Variants in PLCL1 observed in about 807,000 individuals in gnomAD.
The protein encoded by PLCL1 is phospholipase C like 1 (inactive), also known as inactive phospholipase C-like protein 1.
In PLCL1, 41 loss-of-function variants were observed where a neutral mutation model predicts 84.4. That is an observed-to-expected ratio of 0.49 (90% CI 0.38 to 0.63). PLCL1 has a LOEUF of 0.63. Ranked by LOEUF, PLCL1 falls within the 30% of genes least tolerant of loss-of-function variation. PLCL1 has a pLI of 0.00. For missense variants in PLCL1, 1,206 were observed against 1,367.8 expected (o/e 0.88, Z 1.87); for synonymous variants, 490 against 488.3 (o/e 1.00, Z -0.05).
chr2:198,125,684 A>G (rs954516799), intron 5 of PLCL1, among the ~76,000 whole-genome samples: 1 of 152,184 alleles, frequency 6.6e-6, no homozygotes, highest in East Asian at 1.9e-4. Flanking sequence ...ATTATAAAAT[A>G]TAATATGTCA....
In PLCL1 at chr2:197,813,214, G is replaced by A. The variant is rs546184649; in HGVS notation, c.240+7875G>A. 4.5e-4 allele frequency among the ~76,000 whole-genome samples: 68 copies of A among 152,298 alleles called. 2 individuals carry two copies. In the South Asian group the frequency reaches 9.9e-3, roughly 22 times the overall value. ...CCTACAGGTCAGCCCTGATTGTTGG[G>A]TTGGGGAGGAGAGAGAGAAGACCAT... On this transcript the variant is annotated intron_variant, in intron 1 of 5. Coordinates refer to ENST00000428675, the MANE Select transcript of PLCL1 (RefSeq NM_006226.4).
intron 1 of PLCL1, among the ~76,000 whole-genome samples, chr2:197,935,387 A>G (rs1437074395): frequency 6.6e-6 from 1 of 152,244 alleles, no homozygotes; most frequent in Non-Finnish European, 1.5e-5. Context: ...GACTGGATAA[A>G]GAAAATGTGG....
chr2:197,925,484 T>C (rs1018378835), intron 1 of PLCL1, among the ~76,000 whole-genome samples: 4 of 152,206 alleles, frequency 2.6e-5, no homozygotes, highest in Non-Finnish European at 5.9e-5. Context: ...GAATGAACTT[T>C]AAGCTCTTCA....
At chr2:197,892,935 G>A (rs543692531) in intron 1 of PLCL1, among the ~76,000 whole-genome samples, 1 of 152,222 alleles carries the variant, frequency 6.6e-6, no homozygotes, top group Admixed American at 6.5e-5. Flanking sequence ...GGGAAGGTTG[G>A]AGTGAGCTGA....
intron 3 of PLCL1, among the ~76,000 whole-genome samples, chr2:198,096,200 G>A (rs1693188895): frequency 1.3e-5 from 2 of 152,168 alleles, no homozygotes; most frequent in Non-Finnish European, 2.9e-5. Context: ...CACACGCAGT[G>A]TTCAGAGAGT....
chr2:198,009,412 A>AT (rs983061037), intron 1 of PLCL1, among the ~76,000 whole-genome samples: 14 of 151,790 alleles, frequency 9.2e-5, no homozygotes, highest in Non-Finnish European at 2.1e-4. Context: ...TGAATATCCT[A>AT]TTTTTCCAAC....
intron 1 of PLCL1, among the ~76,000 whole-genome samples, chr2:198,051,237 TG>T (rs914454448): frequency 6.6e-6 from 1 of 152,186 alleles, no homozygotes; most frequent in Non-Finnish European, 1.5e-5. Flanking sequence ...ATAGGTTCTA[TG>T]GGGACTTTAA....
intron 1 of PLCL1, among the ~76,000 whole-genome samples, chr2:198,041,975 A>G (rs1174622449): frequency 3.3e-5 from 5 of 152,184 alleles, no homozygotes; most frequent in South Asian, 2.1e-4. Context: ...TTTTGTGCCT[A>G]TCTGCAAGTG....
chr2:197,955,814 T>A (rs1689479025), intron 1 of PLCL1, among the ~76,000 whole-genome samples: 1 of 151,700 alleles, frequency 6.6e-6, no homozygotes, highest in East Asian at 1.9e-4. Context: ...TATTATTTTT[T>A]AATTTTACCC....
At chr2:197,828,036 AC>A (rs1690970276) in intron 1 of PLCL1, among the ~76,000 whole-genome samples, 1 of 152,150 alleles carries the variant, frequency 6.6e-6, no homozygotes, top group African/African-American at 2.4e-5. Flanking sequence ...ACTGTTGATA[AC>A]TTGAGATTGA....
At position 197,936,131 on chromosome 2, in the gene PLCL1, AC is replaced by A. The variant is rs60500144; in HGVS notation, c.240+130801del. On this transcript the variant is annotated intron_variant, in intron 1 of 5. Coordinates refer to ENST00000428675, the MANE Select transcript of PLCL1 (RefSeq NM_006226.4). ...GTGTGTATGTATACATATATTAAAC[AC>A]CCCCCCCCTCACATTTTCTTTATCC... 1.9e-3 allele frequency among the ~76,000 whole-genome samples: 252 copies of A among 134,180 alleles called. 3 individuals are homozygous for A. The highest frequency in any genetic ancestry group is 5.2e-3 in the African/African-American group (196 of 37,474). The allele number at this position is 134,180 out of a possible 152,430, so 88.0% of individuals were successfully genotyped here.
At chr2:197,992,616 T>C (rs1472233360) in intron 1 of PLCL1, among the ~76,000 whole-genome samples, 1 of 152,162 alleles carries the variant, frequency 6.6e-6, no homozygotes, top group Non-Finnish European at 1.5e-5. Context: ...ATCTATAGTG[T>C]AGTGCAACCA....
rs539612265 is a variant in PLCL1 at position 197,964,584 on chromosome 2, T to C, written c.241-119174T>C. ...TTCTTCCTTTCCAATTTCAATGCCC[T>C]TTATTTCTCTCTTGTCTGATTGCTC... On this transcript the variant is annotated intron_variant, in intron 1 of 5. Coordinates refer to ENST00000428675, the MANE Select transcript of PLCL1 (RefSeq NM_006226.4). 2.0e-5 allele frequency among the ~76,000 whole-genome samples: 3 copies of C among 152,252 alleles called. No individual in the cohort carries two copies. In the South Asian group the frequency reaches 6.2e-4, roughly 32 times the overall value.
chr2:197,933,267 T>C (rs1384093927), intron 1 of PLCL1, among the ~76,000 whole-genome samples: 1 of 142,692 alleles, frequency 7.0e-6, no homozygotes, highest in African/African-American at 2.5e-5. Context: ...TTTCTTTTCT[T>C]TTTTTTTTTT....
At chr2:198,055,475 A>C (rs190924767) in intron 1 of PLCL1, among the ~76,000 whole-genome samples, 110 of 150,912 alleles carry the variant, frequency 7.3e-4, no homozygotes, top group Non-Finnish European at 1.3e-3. Flanking sequence ...ATTCATGTGA[A>C]TCTTAAATAC....
intron 1 of PLCL1, among the ~76,000 whole-genome samples, chr2:197,816,469 T>C (rs556285360): frequency 7.8e-4 from 119 of 152,140 alleles, no homozygotes; most frequent in Non-Finnish European, 1.2e-3. Flanking sequence ...TTAATTGTGA[T>C]GGTCCAGAAT....
intron 1 of PLCL1, among the ~76,000 whole-genome samples, chr2:197,886,525 G>T (rs1221509448): frequency 6.7e-6 from 1 of 149,432 alleles, no homozygotes; most frequent in East Asian, 2.0e-4. Flanking sequence ...GCATCTCCCT[G>T]GATTGTCAGT....
intron 1 of PLCL1, among the ~76,000 whole-genome samples, chr2:197,862,125 A>G (rs1687443877): frequency 1.5e-5 from 1 of 67,494 alleles, no homozygotes; most frequent in Non-Finnish European, 2.8e-5. Flanking sequence ...AGTTACATGG[A>G]TTTTAATAAT....
chr2:198,131,574 A>T (rs1323978911), intron 5 of PLCL1, among the ~76,000 whole-genome samples: 1 of 152,186 alleles, frequency 6.6e-6, no homozygotes, highest in Non-Finnish European at 1.5e-5. Flanking sequence ...TGCCCACAGG[A>T]GTTAGGGACA....
Sources: allele counts gnomAD v4.1 joint callset (sites outside exome capture counted in the v4.1 genomes callset), GRCh38; gene constraint gnomAD v4.1.1; transcripts MANE v1.5; gene names NCBI Gene and HGNC (gene_info 2026-07-23, HGNC 2026-07-21).